ADGRE2: variants seen among roughly 807,000 people sequenced by gnomAD.
The protein encoded by ADGRE2 is adhesion G protein-coupled receptor E2, also known as CD97 antigen.
A neutral mutation model predicts 100.8 loss-of-function variants in ADGRE2; 83 were observed. The ratio of observed to expected loss-of-function variants is 0.82; its 90% CI spans 0.69 to 0.99. The LOEUF (loss-of-function observed/expected upper bound fraction) is 0.99, where lower values mean the gene tolerates loss of function less well. Ranked by LOEUF, ADGRE2 falls within the 50% of genes least tolerant of loss-of-function variation. The pLI, the probability that ADGRE2 is intolerant of heterozygous loss-of-function variation, is 0.00. For synonymous variants in ADGRE2, 355 were observed against 413.0 expected (o/e 0.86, Z 1.70); for missense variants, 814 against 1,035.7 (o/e 0.79, Z 2.94).
chr19:14,751,728 G>T, intron 15 of ADGRE2, 57 bp from the exon 16 acceptor site: 1 of 1,272,622 alleles, frequency 7.9e-7, no homozygotes, highest in Non-Finnish European at 1.1e-6. Flanking sequence ...GTGGCCCATG[G>T]CTTCTCCTGT....
downstream of ADGRE2, among the ~76,000 whole-genome samples, chr19:14,729,095 T>C (rs1210096249): frequency 2.6e-5 from 4 of 152,140 alleles, no homozygotes; most frequent in Admixed American, 2.0e-4. Context: ...ATGTGAGTTA[T>C]TGATTAGTGC....
At chr19:14,758,006 T>G (rs1325740282) in intron 11 of ADGRE2, among the ~76,000 whole-genome samples, 1 of 152,212 alleles carries the variant, frequency 6.6e-6, no homozygotes, top group East Asian at 1.9e-4. Flanking sequence ...GGACAGGGTT[T>G]CGCCTTGTTG....
At chr19:14,726,806 T>C in the ADGRE2 span, among the ~76,000 whole-genome samples, 1 of 152,166 alleles carries the variant, frequency 6.6e-6, no homozygotes, top group Non-Finnish European at 1.5e-5. Flanking sequence ...TCCATATCTC[T>C]ACCAGTATTT....
At chr19:14,728,473 C>T (rs1013512348), downstream of ADGRE2, among the ~76,000 whole-genome samples, 5 of 152,120 alleles carry the variant, frequency 3.3e-5, no homozygotes, top group African/African-American at 7.2e-5. Context: ...GTCATGTTAT[C>T]TTGCTAGGAT....
the ADGRE2 span, among the ~76,000 whole-genome samples, chr19:14,726,803 C>G: frequency 2.6e-5 from 4 of 152,274 alleles, no homozygotes; most frequent in South Asian, 6.2e-4. Context: ...CTGTCCATAT[C>G]TCTACCAGTA....
At chr19:14,768,581 T>A (rs2044077334) in intron 5 of ADGRE2, among the ~76,000 whole-genome samples, 1 of 152,134 alleles carries the variant, frequency 6.6e-6, no homozygotes, top group Admixed American at 6.6e-5. Context: ...TGGGAGAGGA[T>A]CAGGCTTGGA....
intron 12 of ADGRE2, 105 bp downstream of exon 12, chr19:14,756,133 C>T (rs1353575893): frequency 1.4e-5 from 13 of 951,584 alleles, no homozygotes; most frequent in Admixed American, 3.9e-5. Context: ...CCACTCCAAA[C>T]ATCCCACACT....
In ADGRE2 at chr19:14,764,600, T is replaced by A; in HGVS notation, c.917A>T (p.Gln306Leu). The A allele has an allele frequency of 6.2e-7, 1 of 1,611,652 alleles. No individual in the cohort carries two copies. Among genetic ancestry groups the A allele is most frequent in the South Asian group, 1.1e-5 (1 of 91,018 alleles). The change falls in exon 11 of 21, where the codon CAG (glutamine) becomes CTG (leucine). Residue 306 changes from glutamine (Q) to leucine (L), a missense_variant. By Grantham distance (113) the Gln-to-Leu change is moderately radical. This residue lies in a region of ADGRE2 where 569 missense variants were observed against 692.7 expected (regional missense o/e 0.82). Coordinates refer to ENST00000315576, the MANE Select transcript of ADGRE2 (RefSeq NM_013447.4). ...LANNTIQSILQALDELLEAPG... is the reference protein window; with the variant it reads ...LANNTIQSILLALDELLEAPG... Reference sequence around the variant, plus strand: ...GGCCTCCAGCAGCTCATCCAGCGCCTGTAAGATGCTCTGGAGGGATGTGGA... The same window carrying A: ...GGCCTCCAGCAGCTCATCCAGCGCCAGTAAGATGCTCTGGAGGGATGTGGA...
intron 20 of ADGRE2, among the ~76,000 whole-genome samples, chr19:14,738,733 G>T (rs928951316): frequency 6.6e-6 from 1 of 151,846 alleles, no homozygotes; most frequent in South Asian, 2.1e-4. Flanking sequence ...TTATTCCTAG[G>T]TTCATAGGAA....
intron 11 of ADGRE2, among the ~76,000 whole-genome samples, chr19:14,762,817 T>C (rs533922137): frequency 1.2e-4 from 18 of 151,964 alleles, no homozygotes; most frequent in Middle Eastern, 3.4e-3. Flanking sequence ...CTAATTTTTG[T>C]ATTTTCAGTA....
chr19:14,773,095 A>C (rs1163469363), intron 4 of ADGRE2, among the ~76,000 whole-genome samples: 1 of 141,392 alleles, frequency 7.1e-6, no homozygotes, highest in Admixed American at 7.0e-5. Flanking sequence ...AAAAAAAAAA[A>C]AAACAAAAAA....
chr19:14,766,943 C>G (rs372785034), intron 6 of ADGRE2, 35 bp downstream of exon 6: 2 of 1,572,820 alleles, frequency 1.3e-6, no homozygotes, highest in Non-Finnish European at 1.7e-6. Context: ...CCCCAGCTCC[C>G]GTCCAGCCTC....
Position 14,746,947 on chromosome 19 carries a change from T to C in ADGRE2, c.2040A>G (p.Pro680=). Residue 680 remains proline (P), a synonymous_variant, in exon 17 of 21, where the codon CCA becomes CCG. Coordinates refer to ENST00000315576, the MANE Select transcript of ADGRE2 (RefSeq NM_013447.4). ...YGTPSRCWLQ[P]EKGFIWGFLG... is the part of the protein sequence containing the mutation. ...GGAAGCCCCATATAAATCCCTTTTC[T>C]GGTTGGAGCCAGCAGCTGAAAAAAG... The C allele has an allele frequency of 6.2e-7, 1 of 1,613,058 alleles. No individual in the cohort carries two copies. The highest frequency in any genetic ancestry group is 1.1e-5 in the South Asian group (1 of 90,920).
chr19:14,766,815 G>A (rs1381079877), intron 6 of ADGRE2, among the ~76,000 whole-genome samples, 163 bp downstream of exon 6: 1 of 152,194 alleles, frequency 6.6e-6, no homozygotes, highest in Admixed American at 6.5e-5. Flanking sequence ...GCCGTGTGGC[G>A]AGTCCTTCCT....
At chr19:14,739,927 C>G (rs2042876431) in intron 20 of ADGRE2, among the ~76,000 whole-genome samples, 1 of 151,952 alleles carries the variant, frequency 6.6e-6, no homozygotes, top group Non-Finnish European at 1.5e-5. Context: ...ATGGTGAAAC[C>G]CTGTCTCTAC....
At chr19:14,731,153 CT>C, downstream of ADGRE2, 1 of 1,533,164 alleles carries the variant, frequency 6.5e-7, no homozygotes, top group Non-Finnish European at 8.7e-7. Context: ...CTCATTCTTC[CT>C]CCTTATAATT....
In ADGRE2 at chr19:14,754,960, A is replaced by G. The variant is rs2043437144; in HGVS notation, c.1584T>C (p.Asp528=). 1 of 1,613,898 alleles carries G rather than the reference A, an allele frequency of 6.2e-7. No individual in the cohort carries two copies. The highest frequency in any genetic ancestry group is 1.1e-5 in the South Asian group (1 of 91,072). The change falls in exon 14 of 21, where the codon GAT becomes GAC. Residue 528 remains aspartate, a synonymous_variant. Transcript: ENST00000315576. ...CCCCTCCTAAGGGTCTCACCTGCAC[A>G]TCGTAGTGGGCCATGAGGACGGCAA... ...SSFAVLMAHY[D]VQEEDPVLTV...
intron 14 of ADGRE2, among the ~76,000 whole-genome samples, chr19:14,752,761 G>A (rs899833618): frequency 2.0e-5 from 3 of 147,140 alleles, no homozygotes; most frequent in African/African-American, 2.5e-5. Context: ...TTATAGTCAT[G>A]TATGGCACCA....
chr19:14,724,269 G>A, the ADGRE2 span, among the ~76,000 whole-genome samples: 1 of 152,170 alleles, frequency 6.6e-6, no homozygotes. Context: ...ACACACTTTA[G>A]AAGGGCTGTG....
Sources: gnomAD v4.1 joint callset for allele counts (sites outside exome capture counted in the v4.1 genomes callset) on GRCh38, gnomAD v4.1.1 for gene constraint, gnomAD v4.1.1 regional missense constraint, MANE v1.5 for transcripts, NCBI Gene and HGNC (gene_info 2026-07-23, HGNC 2026-07-21) for gene names.